Variants in MUC5B observed in about 807,000 individuals in gnomAD.
The protein encoded by MUC5B is mucin-5B.
In MUC5B, 116 loss-of-function variants were observed where a neutral mutation model predicts 376.9. That is an observed-to-expected ratio of 0.31 (90% CI 0.26 to 0.36). The LOEUF is 0.36. Among genes scored for constraint, MUC5B ranks in the 10% least tolerant of loss-of-function variants. The probability of loss-of-function intolerance (pLI) is 1.00; values close to 1 mark genes in which losing one functional copy is unlikely to be tolerated. For missense variants in MUC5B, 7,165 were observed against 7,769.9 expected (o/e 0.92, Z 2.93); for synonymous variants, 3,517 against 3,390.9 (o/e 1.04, Z -1.29).
rs1301719907 is a variant in MUC5B, at chr11:1,245,661, G to A, written c.8781G>A (p.Leu2927=). 6.2e-7 allele frequency: 1 copy of A among 1,603,400 alleles called. No homozygotes were observed. The highest frequency in any genetic ancestry group is 8.5e-7 in the Non-Finnish European group (1 of 1,175,654). The change falls in exon 31 of 49, where the codon CTG becomes CTA. Residue 2927 remains leucine, a synonymous_variant. Coordinates refer to ENST00000529681, the MANE Select transcript of MUC5B (RefSeq NM_002458.3). ...CRAQAQPGVP[L]RELGQVVECS... ...CCCAGGCCCAGCCTGGTGTCCCCCTGCGGGAGTTGGGCCAGGTCGTGGAAT... is the reference window on the plus strand; with the variant it reads ...CCCAGGCCCAGCCTGGTGTCCCCCTACGGGAGTTGGGCCAGGTCGTGGAAT...
At chr11:1,231,359 C>G (rs1862023701) in intron 13 of MUC5B, 64 bp from the exon 14 acceptor site, 1 of 1,526,496 alleles carries the variant, frequency 6.6e-7, no homozygotes, top group Non-Finnish European at 8.8e-7. Flanking sequence ...GATGCCCTGC[C>G]CCTCCAATCT....
At chr11:1,260,550 G>T (rs1862971040) in intron 47 of MUC5B, 76 bp from the exon 48 acceptor site, 3 of 1,485,454 alleles carry the variant, frequency 2.0e-6, no homozygotes, top group African/African-American at 2.8e-5. Context: ...GTCCCATGGG[G>T]AGGGTCGGCC....
Position 1,242,238 on chromosome 11 carries a change from G to C in MUC5B, c.5358G>C (p.Pro1786=), listed in dbSNP as rs55942023. The change falls in exon 31 of 49, where the codon CCG becomes CCC. Residue 1786 remains proline (P), a synonymous_variant. Transcript: ENST00000529681. The part of the protein sequence containing the change: ...TTSQGTTRCQ[P]KCEWTEWFDV... ...GCCAGGGCACGACCCGCTGTCAACC[G>C]AAGTGTGAGTGGACAGAGTGGTTTG... 9.3e-6 allele frequency: 15 copies of C among 1,613,670 alleles called. No homozygotes were observed. Among genetic ancestry groups the C allele is most frequent in the Non-Finnish European group, 1.3e-5 (15 of 1,179,882 alleles).
In MUC5B at chr11:1,246,333, G is replaced by A. The variant is rs1165595895; in HGVS notation, c.9453G>A (p.Thr3151=). The stretch of plus-strand genomic sequence containing the variant: ...CTACAACTGCAGCCACTGGCCCCAC[G>A]GCCACCCCGTCCTCCACCCCAGGGA... ...AATTTAATGP[T]ATPSSTPGTT... is the part of the protein sequence containing the mutation. Residue 3151 remains threonine (T), a synonymous_variant, in exon 31 of 49, where the codon ACG becomes ACA. Transcript: ENST00000529681. 14 of 1,601,550 alleles carry A rather than the reference G, an allele frequency of 8.7e-6. No homozygotes were observed. Among genetic ancestry groups the A allele is most frequent in the Middle Eastern group, 1.7e-4 (1 of 6,056 alleles).
In MUC5B at chr11:1,232,529, C is replaced by T. The variant is rs559579356; in HGVS notation, c.1923C>T (p.Pro641=). ...CGCGCTGCCACTCCATCATCAACCC[C>T]AAGCCCTTCCACTCGGTGAGAGGCT... The part of the protein sequence containing the change: ...AFSRCHSIIN[P]KPFHSNCMFD... Residue 641 remains proline, a synonymous_variant, in exon 16 of 49, where the codon CCC becomes CCT. Coordinates refer to ENST00000529681, the MANE Select transcript of MUC5B (RefSeq NM_002458.3). The T allele has an allele frequency of 1.2e-6, 2 of 1,610,864 alleles. No homozygotes were observed. The highest frequency in any genetic ancestry group is 8.5e-7 in the Non-Finnish European group (1 of 1,179,110).
In MUC5B at chr11:1,246,528, A is replaced by G; in HGVS notation, c.9648A>G (p.Pro3216=). 2 of 1,613,078 alleles carry G rather than the reference A, an allele frequency of 1.2e-6. No individual in the cohort carries two copies. The highest frequency in any genetic ancestry group is 1.7e-5 in the Admixed American group (1 of 59,940). ...CCAGAGCCACTCCCTCCTCCAGTCC[A>G]GGGACTGCAACCGCCCTTCCAGCAC... ...ISSRATPSSS[P]GTATALPALR... The change falls in exon 31 of 49, where the codon CCA becomes CCG. Residue 3216 remains proline (P), a synonymous_variant. Coordinates refer to ENST00000529681, the MANE Select transcript of MUC5B (RefSeq NM_002458.3).
chr11:1,241,376 G>A lies in MUC5B; in HGVS notation c.4496G>A (p.Gly1499Asp). 1 of 1,613,478 alleles carries A rather than the reference G, an allele frequency of 6.2e-7. No individual in the cohort carries two copies. The highest frequency in any genetic ancestry group is 8.5e-7 in the Non-Finnish European group (1 of 1,179,660). The change falls in exon 31 of 49, where the codon GGT (glycine) becomes GAT (aspartate). Residue 1499 changes from glycine to aspartate, a missense_variant. By Grantham distance (94) the Gly-to-Asp change is moderately conservative. This residue lies in a region of MUC5B where 517 missense variants were observed against 545.3 expected (regional missense o/e 0.95). Transcript: ENST00000529681. ...GTGACGGTCACCCCCTCGGCCCCAG[G>A]TACCACCACCTGCCAGCCCCGGTGT... ...GPVTVTPSAP[G>D]TTTCQPRCQW...
rs369004960 is a variant in MUC5B at position 1,250,175 on chromosome 11, C to A, written c.13295C>A (p.Ala4432Glu). 9.7e-5 allele frequency: 154 copies of A among 1,588,672 alleles called. 1 individual carries two copies. Among genetic ancestry groups the A allele is most frequent in the Middle Eastern group, 1.7e-4 (1 of 6,022 alleles). ...CTGACCACAACAGCCACTACGACTG[C>A]GTCCACTGGATCCACGGCCACCCCG... ...TELTTTATTTASTGSTATPSS... is the reference protein window; with the variant it reads ...TELTTTATTTESTGSTATPSS... The change falls in exon 31 of 49, where the codon GCG (alanine) becomes GAG (glutamate). Residue 4432 changes from alanine (A) to glutamate (E), a missense_variant. This residue lies in a region of MUC5B where 431 missense variants were observed against 390.4 expected (regional missense o/e 1.10). Transcript: ENST00000529681.
At position 1,244,062 on chromosome 11, in the gene MUC5B, G is replaced by A. The variant is rs60084884; in HGVS notation, c.7182G>A (p.Gly2394=). The change falls in exon 31 of 49, where the codon GGG becomes GGA. Residue 2394 remains glycine (G), a synonymous_variant. Coordinates refer to ENST00000529681, the MANE Select transcript of MUC5B (RefSeq NM_002458.3). ...TCTGCAGGAACCGTGAGCAGGTGGG[G>A]AAGTTCAAGATGTGCTTCAACTATG... is the stretch of plus-strand genomic sequence containing the variant. The part of the protein sequence containing the change: ...GLVCRNREQV[G]KFKMCFNYEI... 56,215 of 1,501,060 alleles carry A rather than the reference G, an allele frequency of 0.037. 1,272 individuals carry two copies. The highest frequency in any genetic ancestry group is 0.094 in the African/African-American group (6,869 of 73,328). The allele number at this position is 1,501,060 out of a possible 1,614,324, so 93.0% of individuals were successfully genotyped here.
rs779261203 is a variant in MUC5B at position 1,254,816 on chromosome 11, T to C, written c.15600T>C (p.Asn5200=). 5.0e-5 allele frequency: 81 copies of C among 1,612,670 alleles called. No individual in the cohort carries two copies. The South Asian group carries it at 8.0e-4, about 16-fold the overall frequency. ...CCCTGGGCGTGAGCGTCACCTTCAA[T>C]GGCCAAGTCTTCCAGGCCCGGCTGC... ...IPALGVSVTF[N]GQVFQARLPY... The change falls in exon 35 of 49, where the codon AAT becomes AAC. Residue 5200 remains asparagine (N), a synonymous_variant. Transcript: ENST00000529681.
chr11:1,235,239 G>T lies in MUC5B; in HGVS notation c.2769+16G>T. On this transcript the variant is annotated intron_variant, in intron 22 of 48. Transcript: ENST00000529681. ...CTTGGCCCAGGTACGCCGCCCCCTC[G>T]CCCACTCCTGCAGGCCGGGCACACT... The T allele has an allele frequency of 1.2e-6, 2 of 1,611,652 alleles. No individual in the cohort carries two copies. Among genetic ancestry groups the T allele is most frequent in the Non-Finnish European group, 1.7e-6 (2 of 1,178,786 alleles).
In MUC5B at chr11:1,248,894, C is replaced by G; in HGVS notation, c.12014C>G (p.Pro4005Arg). 2 of 1,553,554 alleles carry G rather than the reference C, an allele frequency of 1.3e-6. No individual in the cohort carries two copies. The highest frequency in any genetic ancestry group is 8.7e-7 in the Non-Finnish European group (1 of 1,148,634). Residue 4005 changes from proline to arginine, a missense_variant, in exon 31 of 49, where the codon CCG becomes CGG. This residue lies in a region of MUC5B where 47 missense variants were observed against 98.5 expected (regional missense o/e 0.48). Coordinates refer to ENST00000529681, the MANE Select transcript of MUC5B (RefSeq NM_002458.3). ...GGGACCACCCACACACCCCCAGTGC[C>G]GAACACCACGGCCACCACACACGGG... ...ALGTTHTPPVPNTTATTHGRS... is the reference protein window; with the variant it reads ...ALGTTHTPPVRNTTATTHGRS...
In MUC5B at chr11:1,252,070, G is replaced by A. The variant is rs147135443; in HGVS notation, c.14864-273G>A. Among the ~76,000 whole-genome samples the A allele has an allele frequency of 3.8e-3, 573 of 150,076 alleles. 3 individuals are homozygous for A. The highest frequency in any genetic ancestry group is 0.035 in the South Asian group (163 of 4,706). ...ACTGGGTCTCCTCTGGCCACAATCC[G>A]TCCGCACTGGCCACAATCAGTCCCC... On this transcript the variant is annotated intron_variant, in intron 31 of 48. Transcript: ENST00000529681.
At position 1,242,541 on chromosome 11, in the gene MUC5B, T is replaced by G; in HGVS notation, c.5661T>G (p.Ser1887Arg). Residue 1887 changes from serine to arginine, a missense_variant, in exon 31 of 49, where the codon AGT becomes AGG. Ser to Arg is a moderately radical substitution (Grantham distance 110). Around this residue, in one of 31 missense-constraint regions of MUC5B, gnomAD observed 897 missense variants for 779.6 expected, o/e 1.15. Coordinates refer to ENST00000529681, the MANE Select transcript of MUC5B (RefSeq NM_002458.3). Reference protein sequence around the residue: ...LCCDDYSHCPSTPATSSTATP... With the variant: ...LCCDDYSHCPRTPATSSTATP... Reference sequence around the variant, plus strand: ...GTGACGACTACAGCCACTGCCCCAGTACCCCAGCCACCAGCTCCACGGCCA... The same window carrying G: ...GTGACGACTACAGCCACTGCCCCAGGACCCCAGCCACCAGCTCCACGGCCA... The G allele has an allele frequency of 6.2e-7, 1 of 1,613,742 alleles. No individual in the cohort carries two copies. The highest frequency in any genetic ancestry group is 8.5e-7 in the Non-Finnish European group (1 of 1,179,792).
chr11:1,246,129 G>T lies in MUC5B; in HGVS notation c.9249G>T (p.Gln3083His), dbSNP rs372155869. Residue 3083 changes from glutamine (Q) to histidine (H), a missense_variant, in exon 31 of 49, where the codon CAG (glutamine) becomes CAT (histidine). Physicochemically the swap from Gln to His is conservative, Grantham distance 24 (BLOSUM62 0). Around this residue, in one of 31 missense-constraint regions of MUC5B, gnomAD observed 939 missense variants for 770.6 expected, o/e 1.22. Transcript: ENST00000529681. ...TLGTTGTLPE[Q>H]TTTPMATMST... ...GGACCACCGGGACCCTCCCAGAACA[G>T]ACCACCACACCCATGGCCACCATGT... 19 of 1,610,504 alleles carry T rather than the reference G, an allele frequency of 1.2e-5. No individual in the cohort carries two copies. The highest frequency in any genetic ancestry group is 2.5e-6 in the Non-Finnish European group (3 of 1,178,848).
In MUC5B at chr11:1,260,681, C is replaced by T. The variant is rs372439262; in HGVS notation, c.17022C>T (p.Thr5674=). 79 of 1,612,402 alleles carry T rather than the reference C, an allele frequency of 4.9e-5. No homozygotes were observed. Among genetic ancestry groups the T allele is most frequent in the Middle Eastern group, 3.3e-4 (2 of 6,082 alleles). ...TTILWHQGCE[T]EVNITFCEGS... is the part of the protein sequence containing the mutation. ...TCCTGTGGCACCAGGGCTGCGAGAC[C>T]GAGGTCAACATCACCTTCTGCGAGG... Residue 5674 remains threonine (T), a synonymous_variant, in exon 48 of 49, where the codon ACC becomes ACT. Transcript: ENST00000529681.
rs2943513 is a variant in MUC5B, at chr11:1,250,809, G to A, written c.13929G>A (p.Pro4643=). ...CCACGGTGACCCCCTCCTCCATCCC[G>A]GGGACCACCCACACCGCCAGAGTGC... The part of the protein sequence containing the change: ...SGSTVTPSSI[P]GTTHTARVLT... Residue 4643 remains proline, a synonymous_variant, in exon 31 of 49, where the codon CCG becomes CCA. Coordinates refer to ENST00000529681, the MANE Select transcript of MUC5B (RefSeq NM_002458.3). 0.075 allele frequency: 120,616 copies of A among 1,612,432 alleles called. 5,074 individuals are homozygous for A. Among genetic ancestry groups the A allele is most frequent in the Admixed American group, 0.12 (7,110 of 59,878 alleles).
At position 1,258,840 on chromosome 11, in the gene MUC5B, GAGGA is replaced by G. The variant is rs1335919696; in HGVS notation, c.16594-96_16594-93del. The stretch of plus-strand genomic sequence containing the variant: ...CCAGGGGTGCATCTATGCTCCATCT[GAGGA>G]AGGAACAACTCCCTGCAGGCCCCAT... On this transcript the variant is annotated intron_variant, in intron 43 of 48. Transcript: ENST00000529681. The surrounding 1 kb of genome is among the most constrained non-coding windows in gnomAD (Gnocchi z 5.5). 1 of 1,462,282 alleles carries G rather than the reference GAGGA, an allele frequency of 6.8e-7. No individual in the cohort carries two copies. Among genetic ancestry groups the G allele is most frequent in the Non-Finnish European group, 9.2e-7 (1 of 1,088,464 alleles). 90.6% of individuals were successfully genotyped at this position (1,462,282 alleles called of 1,614,324 possible). A position where few individuals can be genotyped will look rare whatever the true frequency, so the allele number is the denominator to read the frequency against.
rs967233400 is a variant in MUC5B, at chr11:1,251,402, C to T, written c.14522C>T (p.Thr4841Ile). Residue 4841 changes from threonine to isoleucine, a missense_variant, in exon 31 of 49, where the codon ACC becomes ATC. Physicochemically the swap from Thr to Ile is moderately conservative, Grantham distance 89. This residue lies in a region of MUC5B where 730 missense variants were observed against 592.7 expected (regional missense o/e 1.23). Transcript: ENST00000529681. The part of the protein sequence containing the change: ...ATGSTATLSS[T>I]PGTTWILTEP... ...GGATCCACGGCCACCCTGTCCTCCACCCCAGGGACCACCTGGATCCTCACA... is the reference window on the plus strand; with the variant it reads ...GGATCCACGGCCACCCTGTCCTCCATCCCAGGGACCACCTGGATCCTCACA... 3 of 1,612,602 alleles carry T rather than the reference C, an allele frequency of 1.9e-6. No individual in the cohort carries two copies. Among genetic ancestry groups the T allele is most frequent in the African/African-American group, 1.3e-5 (1 of 74,990 alleles).
Sources: allele counts gnomAD v4.1 joint callset (sites outside exome capture counted in the v4.1 genomes callset), GRCh38; gene constraint gnomAD v4.1.1; regional missense constraint gnomAD v4.1.1; non-coding constraint Gnocchi (gnomAD v3.1); transcripts MANE v1.5; gene names NCBI Gene and HGNC (gene_info 2026-07-23, HGNC 2026-07-21).